Variants in TENM3 observed in about 807,000 individuals in gnomAD.
The protein encoded by TENM3 is teneurin-3.
TENM3 carries 63 observed loss-of-function variants against 255.1 expected under a neutral mutation model. That is an observed-to-expected ratio of 0.25 (90% CI 0.20 to 0.30). TENM3 has a LOEUF of 0.30. Among genes scored for constraint, TENM3 ranks in the 10% least tolerant of loss-of-function variants. TENM3 has a pLI of 1.00. For synonymous variants in TENM3, 1,306 were observed against 1,322.3 expected (o/e 0.99, Z 0.27); for missense variants, 2,929 against 3,461.1 (o/e 0.85, Z 3.86).
chr4:181,548,424 G>A, the TENM3 span, among the ~76,000 whole-genome samples: 9,814 of 152,228 alleles, frequency 0.064, 346 homozygotes, highest in South Asian at 0.15. Flanking sequence ...ATGTCCATCA[G>A]TGATAGACTG....
the TENM3 span, among the ~76,000 whole-genome samples, chr4:181,900,413 T>C: frequency 1.1e-3 from 174 of 152,152 alleles, no homozygotes; most frequent in Non-Finnish European, 2.0e-3. Context: ...TAGTTGAAAA[T>C]CAGTATATTC....
At chr4:181,533,678 C>CATTTT in the TENM3 span, among the ~76,000 whole-genome samples, 1 of 151,914 alleles carries the variant, frequency 6.6e-6, no homozygotes, top group Non-Finnish European at 1.5e-5. Context: ...ATCCAAAATA[C>CATTTT]ATTTTTAAAC....
chr4:181,711,566 AAATT>A, the TENM3 span, among the ~76,000 whole-genome samples: 1 of 152,354 alleles, frequency 6.6e-6, no homozygotes, highest in African/African-American at 2.4e-5. Context: ...TATAAAATAA[AAATT>A]CAACAACATC....
the TENM3 span, among the ~76,000 whole-genome samples, chr4:182,063,734 A>G: frequency 3.3e-5 from 5 of 152,246 alleles, no homozygotes; most frequent in Non-Finnish European, 4.4e-5. Context: ...AGCGTTAGAC[A>G]TGGTTTCTGC....
chr4:182,223,734 C>T (rs1384804161), intron 1 of TENM3, among the ~76,000 whole-genome samples: 2 of 129,774 alleles, frequency 1.5e-5, no homozygotes, highest in African/African-American at 5.8e-5. Context: ...TGGGCATTTG[C>T]GTGTATGAAT....
chr4:181,599,463 T>A, the TENM3 span, among the ~76,000 whole-genome samples: 1 of 152,156 alleles, frequency 6.6e-6, no homozygotes, highest in East Asian at 1.9e-4. Flanking sequence ...TACAGGCAAA[T>A]TATTGGACAA....
the TENM3 span, among the ~76,000 whole-genome samples, chr4:181,646,376 A>G: frequency 5.3e-5 from 8 of 152,200 alleles, no homozygotes; most frequent in Admixed American, 4.6e-4. Flanking sequence ...TTGCTGCCCC[A>G]CAGAGTGTGG....
intron 14 of TENM3, among the ~76,000 whole-genome samples, chr4:182,729,647 C>T (rs1237185646): frequency 2.6e-5 from 4 of 151,996 alleles, no homozygotes; most frequent in Admixed American, 1.3e-4. Flanking sequence ...GAAAGTAAAG[C>T]AGTAAGTGAA....
upstream of TENM3, among the ~76,000 whole-genome samples, chr4:182,139,028 TC>T (rs2149528815): frequency 6.6e-6 from 1 of 152,348 alleles, no homozygotes; most frequent in East Asian, 1.9e-4. Context: ...AATATTTTAT[TC>T]GTGTATCCAC....
At chr4:182,555,331 G>T (rs1239003316) in intron 3 of TENM3, among the ~76,000 whole-genome samples, 5 of 151,900 alleles carry the variant, frequency 3.3e-5, no homozygotes. Flanking sequence ...GCTCCTCCAT[G>T]AACTGTAATA....
chr4:182,517,764 T>A (rs1454155659), intron 3 of TENM3, among the ~76,000 whole-genome samples: 1 of 152,248 alleles, frequency 6.6e-6, no homozygotes, highest in Non-Finnish European at 1.5e-5. Flanking sequence ...AGCCAATTTT[T>A]ATACCTTATT....
the TENM3 span, among the ~76,000 whole-genome samples, chr4:181,796,442 T>C: frequency 6.6e-6 from 1 of 152,158 alleles, no homozygotes; most frequent in Non-Finnish European, 1.5e-5. Context: ...AATGAGATGG[T>C]CTTTGAGGAT....
intron 3 of TENM3, chr4:182,449,171 G>A: frequency 5.8e-6 from 1 of 171,842 alleles, no homozygotes; most frequent in Non-Finnish European, 1.2e-5. Context: ...AGGGTCGCTC[G>A]CTCGCTCCGG....
the TENM3 span, among the ~76,000 whole-genome samples, chr4:181,526,648 AGTAGTGGTG>A: frequency 1.3e-5 from 2 of 151,058 alleles, no homozygotes; most frequent in African/African-American, 4.9e-5. Context: ...TTTTTGTGGT[AGTAGTGGTG>A]GTAGTGATGG....
At chr4:182,031,280 A>C in the TENM3 span, among the ~76,000 whole-genome samples, 1 of 152,206 alleles carries the variant, frequency 6.6e-6, no homozygotes, top group South Asian at 2.1e-4. Context: ...ATGGCTAGGC[A>C]GTTCTCTCAG....
chr4:181,541,343 C>T, the TENM3 span, among the ~76,000 whole-genome samples: 13 of 152,220 alleles, frequency 8.5e-5, no homozygotes, highest in East Asian at 2.5e-3. Context: ...ATGATCACTC[C>T]CACTGCCCTC....
the TENM3 span, among the ~76,000 whole-genome samples, chr4:181,538,713 G>A: frequency 1.3e-5 from 2 of 152,166 alleles, no homozygotes; most frequent in Non-Finnish European, 2.9e-5. Flanking sequence ...AATAAAAAAT[G>A]CACTCAAGAA....
chr4:182,426,793 C>T (rs186354001), intron 3 of TENM3, among the ~76,000 whole-genome samples: 10 of 152,108 alleles, frequency 6.6e-5, no homozygotes, highest in South Asian at 2.1e-4. Context: ...AATACTTTGA[C>T]GAGTATAATT....
chr4:181,911,283 G>A, the TENM3 span, among the ~76,000 whole-genome samples: 4 of 152,248 alleles, frequency 2.6e-5, no homozygotes, highest in East Asian at 3.9e-4. Flanking sequence ...AAAATTGGGC[G>A]TCTTCAATAA....
Sources: allele counts gnomAD v4.1 joint callset (sites outside exome capture counted in the v4.1 genomes callset), GRCh38; gene constraint gnomAD v4.1.1; transcripts MANE v1.5; gene names NCBI Gene and HGNC (gene_info 2026-07-23, HGNC 2026-07-21).